Variants in PLOD1 observed in about 807,000 individuals in gnomAD.
The protein encoded by PLOD1 is procollagen-lysine,2-oxoglutarate 5-dioxygenase 1, also known as lysine hydroxylase.
In PLOD1, 70 loss-of-function variants were observed where a neutral mutation model predicts 94.7. The ratio of observed to expected loss-of-function variants is 0.74; its 90% CI spans 0.61 to 0.90. PLOD1 has a LOEUF of 0.90. Ranked by LOEUF, PLOD1 falls within the 40% of genes least tolerant of loss-of-function variation. The probability of loss-of-function intolerance (pLI) is 0.00; values close to 1 mark genes in which losing one functional copy is unlikely to be tolerated. For synonymous variants in PLOD1, 417 were observed against 400.2 expected (o/e 1.04, Z -0.50); for missense variants, 905 against 972.7 (o/e 0.93, Z 0.93).
intron 5 of PLOD1, among the ~76,000 whole-genome samples, chr1:11,954,077 GCTGGTCTCAAACTC>G (rs1645721217): frequency 6.6e-6 from 1 of 150,868 alleles, no homozygotes; most frequent in African/African-American, 2.4e-5. Context: ...TGTTGCCCAA[GCTGGTCTCAAACTC>G]CTGGGCTCAA....
In PLOD1 at chr1:11,974,992, T is replaced by G. The variant is rs1431260700; in HGVS notation, c.*184T>G. ...CTGCAGGCCAGAGGCGGAACACACC[T>G]TTATGGCTGGGGCTCTCCGTGGTGT... On this transcript the variant is annotated 3_prime_UTR_variant, in exon 19 of 19. Coordinates refer to ENST00000196061, the MANE Select transcript of PLOD1 (RefSeq NM_000302.4). The G allele has an allele frequency of 1.2e-5, 8 of 691,528 alleles. No individual in the cohort carries two copies. In the African/African-American group the frequency reaches 1.4e-4, roughly 12 times the overall value. The allele number at this position is 691,528 out of a possible 1,614,324, so 42.8% of individuals were successfully genotyped here.
intron 1 of PLOD1, among the ~76,000 whole-genome samples, chr1:11,939,008 G>GAGGTC (rs1309697119): frequency 6.6e-6 from 1 of 152,140 alleles, no homozygotes; most frequent in Admixed American, 6.6e-5. Context: ...CCCTAGAGCC[G>GAGGTC]AGGTCAGATG....
rs768422539 is a variant in PLOD1 at position 11,950,417 on chromosome 1, G to C, written c.363G>C (p.Arg121Ser). 4.3e-6 allele frequency: 7 copies of C among 1,614,068 alleles called. No homozygotes were observed. The highest frequency in any genetic ancestry group is 8.5e-7 in the Non-Finnish European group (1 of 1,180,014). The change falls in exon 4 of 19, where the codon AGG (arginine) becomes AGC (serine). Residue 121 changes from arginine (R) to serine (S), a missense_variant. Physicochemically the swap from Arg to Ser is moderately radical, Grantham distance 110. Coordinates refer to ENST00000196061, the MANE Select transcript of PLOD1 (RefSeq NM_000302.4). The stretch of plus-strand genomic sequence containing the variant: ...TCCTGAAGAAGTTCCGGCAGGCCAG[G>C]AGCCAGGTGGTCTTCTCTGCTGAGG... Reference protein sequence around the residue: ...RELLKKFRQARSQVVFSAEEL... With the variant: ...RELLKKFRQASSQVVFSAEEL...
Position 11,952,743 on chromosome 1 carries a change from G to T in PLOD1, c.579+8G>T, listed in dbSNP as rs769433913. ...TTGGACCCGGAGAAGAGGGTAAGAGGCAGTGGGCGGGCCAAGGAGAGGGGG... is the reference window on the plus strand; with the variant it reads ...TTGGACCCGGAGAAGAGGGTAAGAGTCAGTGGGCGGGCCAAGGAGAGGGGG... On this transcript the variant is annotated splice_region_variant and intron_variant, in intron 5 of 18. Transcript: ENST00000196061. 3 of 1,596,148 alleles carry T rather than the reference G, an allele frequency of 1.9e-6. No homozygotes were observed. The highest frequency in any genetic ancestry group is 2.2e-5 in the South Asian group (2 of 90,754).
chr1:11,937,178 G>C (rs766507240), intron 1 of PLOD1, among the ~76,000 whole-genome samples: 1 of 152,128 alleles, frequency 6.6e-6, no homozygotes, highest in East Asian at 1.9e-4. Context: ...TACCTCCCTC[G>C]GACCAGGTTG....
intron 5 of PLOD1, 150 bp downstream of exon 5, chr1:11,952,885 C>G: frequency 1.6e-6 from 1 of 621,048 alleles, no homozygotes; most frequent in Non-Finnish European, 2.9e-6. Flanking sequence ...GGGTGGCTCC[C>G]AAACAACGGA....
intron 1 of PLOD1, among the ~76,000 whole-genome samples, chr1:11,943,356 GCA>G (rs1326550870): frequency 6.6e-6 from 1 of 151,104 alleles, no homozygotes; most frequent in Non-Finnish European, 1.5e-5. Flanking sequence ...GACTGCAATG[GCA>G]CAGTCTCTGC....
At chr1:11,968,758 C>T (rs1645840239) in intron 16 of PLOD1, among the ~76,000 whole-genome samples, 1 of 151,766 alleles carries the variant, frequency 6.6e-6, no homozygotes, top group Admixed American at 6.6e-5. Flanking sequence ...TGTTGTGATC[C>T]ACCTGCCTCA....
Position 11,965,513 on chromosome 1 carries a change from C to G in PLOD1, c.1504C>G (p.Leu502Val). ...CATGTTCCTGACCAACCGGCACACC[C>G]TTGGCCATCTGCTCTCCCTAGACAG... The part of the protein sequence containing the change: ...VFMFLTNRHT[L>V]GHLLSLDSYR... Residue 502 changes from leucine to valine, a missense_variant, in exon 14 of 19, where the codon CTT becomes GTT. Transcript: ENST00000196061. The G allele has an allele frequency of 6.2e-7, 1 of 1,613,672 alleles. No individual in the cohort carries two copies. The highest frequency in any genetic ancestry group is 8.5e-7 in the Non-Finnish European group (1 of 1,179,824).
chr1:11,966,679 C>T (rs944974536), intron 15 of PLOD1, among the ~76,000 whole-genome samples: 7 of 152,114 alleles, frequency 4.6e-5, no homozygotes, highest in East Asian at 3.9e-4. Flanking sequence ...TGGACCACTT[C>T]GGGGAGTGGC....
chr1:11,938,373 G>A (rs1438923352), intron 1 of PLOD1, among the ~76,000 whole-genome samples: 1 of 152,152 alleles, frequency 6.6e-6, no homozygotes, highest in Non-Finnish European at 1.5e-5. Context: ...GTCATTGTCT[G>A]GAACTCAGAC....
At chr1:11,934,982 G>T in intron 1 of PLOD1, 127 bp downstream of exon 1, 1 of 1,192,864 alleles carries the variant, frequency 8.4e-7, no homozygotes, top group South Asian at 1.6e-5. Context: ...CCGGCTCCTT[G>T]TCCACTTAAT....
chr1:11,962,274 C>CTTTCT (rs1645783389), intron 10 of PLOD1, among the ~76,000 whole-genome samples: 1 of 99,090 alleles, frequency 1.0e-5, no homozygotes. Context: ...TTTTTGTTTT[C>CTTTCT]TTTTTTTTTT....
chr1:11,938,822 G>A (rs80046526), intron 1 of PLOD1, among the ~76,000 whole-genome samples: 3,833 of 152,184 alleles, frequency 0.025, 159 homozygotes, highest in African/African-American at 0.087. Context: ...CCCAATGAGA[G>A]GGGGGTACAG....
In PLOD1 at chr1:11,948,013, C is replaced by G. The variant is rs11553679; in HGVS notation, c.114C>G (p.Thr38=). 4 of 1,613,818 alleles carry G rather than the reference C, an allele frequency of 2.5e-6. No individual in the cohort carries two copies. Among genetic ancestry groups the G allele is most frequent in the Admixed American group, 1.7e-5 (1 of 59,998 alleles). Residue 38 remains threonine (T), a synonymous_variant, in exon 2 of 19, where the codon ACC becomes ACG. Transcript: ENST00000196061. ...LLVLTVATKE[T]EGFRRFKRSA... ...TCCTCACGGTGGCCACTAAGGAGAC[C>G]GAGGGATTCCGTCGCTTCAAGCGCT...
chr1:11,974,322 A>G (rs1041171689), intron 18 of PLOD1, among the ~76,000 whole-genome samples: 2 of 151,960 alleles, frequency 1.3e-5, no homozygotes, highest in Non-Finnish European at 2.9e-5. Flanking sequence ...AGCTGGGATT[A>G]CAGGCGTGCG....
rs113384442 is a variant in PLOD1, at chr1:11,952,690, C to T, written c.534C>T (p.Ser178=). 37 of 1,613,956 alleles carry T rather than the reference C, an allele frequency of 2.3e-5. No individual in the cohort carries two copies. In the African/African-American group the frequency reaches 2.7e-4, roughly 12 times the overall value. ...VAEWEGQDSD[S]DQLFYTKIFL... ...AGTGGGAGGGCCAGGACAGCGACAGCGATCAGCTGTTTTACACCAAGATCT... is the reference window on the plus strand; with the variant it reads ...AGTGGGAGGGCCAGGACAGCGACAGTGATCAGCTGTTTTACACCAAGATCT... The change falls in exon 5 of 19, where the codon AGC becomes AGT. Residue 178 remains serine, a synonymous_variant. Coordinates refer to ENST00000196061, the MANE Select transcript of PLOD1 (RefSeq NM_000302.4).
In PLOD1 at chr1:11,949,820, AGGT is replaced by A; in HGVS notation, c.219_221del (p.Gly75del). The A allele has an allele frequency of 1.2e-6, 2 of 1,614,034 alleles. No individual in the cohort carries two copies. The highest frequency in any genetic ancestry group is 1.7e-6 in the Non-Finnish European group (2 of 1,179,926). ...GGAATGTGGAGAAGGGGACGTCGGC[AGGT>A]GGAGGGCAGAAGGTCCGGCTGCTGA... On this transcript the variant is annotated inframe_deletion, in exon 3 of 19. Coordinates refer to ENST00000196061, the MANE Select transcript of PLOD1 (RefSeq NM_000302.4).
At chr1:11,968,277 AT>A (rs202143176) in intron 16 of PLOD1, among the ~76,000 whole-genome samples, 14 of 151,112 alleles carry the variant, frequency 9.3e-5, no homozygotes, top group African/African-American at 3.4e-4. Flanking sequence ...TATTTTATTT[AT>A]TTTTTTTATT....
Sources: allele counts gnomAD v4.1 joint callset (sites outside exome capture counted in the v4.1 genomes callset), GRCh38; gene constraint gnomAD v4.1.1; transcripts MANE v1.5; gene names NCBI Gene and HGNC (gene_info 2026-07-23, HGNC 2026-07-21).